TGFBR3: variants seen among roughly 807,000 people sequenced by gnomAD.
TGFBR3 encodes the protein transforming growth factor beta receptor 3, also known as transforming growth factor beta receptor type 3.
TGFBR3 carries 46 observed loss-of-function variants against 87.9 expected under a neutral mutation model. The observed-to-expected ratio is 0.52, with a 90% confidence interval of 0.41 to 0.67. TGFBR3 has a LOEUF of 0.67. TGFBR3 is among the 30% of genes least tolerant of loss of function. The probability of loss-of-function intolerance (pLI) is 0.00; values close to 1 mark genes in which losing one functional copy is unlikely to be tolerated. For synonymous variants in TGFBR3, 381 were observed against 391.6 expected (o/e 0.97, Z 0.32); for missense variants, 866 against 1,041.9 (o/e 0.83, Z 2.32).
rs1178732083 is a variant in TGFBR3, at chr1:91,802,773, G to A, written c.62-5302C>T. On this transcript the variant is annotated intron_variant, in intron 2 of 16. Coordinates refer to ENST00000212355, the MANE Select transcript of TGFBR3 (RefSeq NM_003243.5). ...GCAGAACTCAGGATCTTTACCCCTC[G>A]TGCCTGTTGTTCCTCCTTCATTCCC... 1.1e-4 allele frequency among the ~76,000 whole-genome samples: 17 copies of A among 151,852 alleles called. 1 individual carries two copies. Among genetic ancestry groups the A allele is most frequent in the Admixed American group, 8.5e-4 (13 of 15,242 alleles).
chr1:91,887,091 C>G (rs934689725), upstream of TGFBR3, among the ~76,000 whole-genome samples: 1 of 152,172 alleles, frequency 6.6e-6, no homozygotes, highest in African/African-American at 2.4e-5. Flanking sequence ...CGTGGACTGA[C>G]AGGTTTCAAA....
intron 2 of TGFBR3, among the ~76,000 whole-genome samples, chr1:91,855,843 T>C (rs1677919351): frequency 6.6e-6 from 1 of 152,178 alleles, no homozygotes; most frequent in African/African-American, 2.4e-5. Flanking sequence ...TAAATAACCT[T>C]AGATAATTTC....
At chr1:91,786,629 T>C (rs921904549) in intron 3 of TGFBR3, among the ~76,000 whole-genome samples, 2 of 151,504 alleles carry the variant, frequency 1.3e-5, no homozygotes, top group African/African-American at 4.9e-5. Flanking sequence ...CGGGTGCCTG[T>C]AATCCCAGCT....
At chr1:91,799,144 C>G (rs1275229213) in intron 2 of TGFBR3, among the ~76,000 whole-genome samples, 1 of 152,216 alleles carries the variant, frequency 6.6e-6, no homozygotes, top group Non-Finnish European at 1.5e-5. Context: ...GGGTTGCAAA[C>G]AAAGTTCAGA....
chr1:91,710,588 C>T (rs1335444496), intron 13 of TGFBR3, among the ~76,000 whole-genome samples: 2 of 152,092 alleles, frequency 1.3e-5, no homozygotes, highest in African/African-American at 4.8e-5. Flanking sequence ...AGAAAGCACT[C>T]AGAAAATAAT....
chr1:91,852,453 T>G (rs749271308), intron 2 of TGFBR3, among the ~76,000 whole-genome samples: 2 of 152,254 alleles, frequency 1.3e-5, no homozygotes, highest in Non-Finnish European at 2.9e-5. Flanking sequence ...ATGCTGTTTC[T>G]GTAGAAAAAT....
chr1:91,811,255 T>A (rs1242234829), intron 2 of TGFBR3, among the ~76,000 whole-genome samples: 3 of 152,140 alleles, frequency 2.0e-5, no homozygotes, highest in Non-Finnish European at 4.4e-5. Flanking sequence ...AAGACTGCAA[T>A]GAGCCAAGAT....
At chr1:91,791,318 C>A (rs1394194824) in intron 3 of TGFBR3, among the ~76,000 whole-genome samples, 4 of 152,114 alleles carry the variant, frequency 2.6e-5, no homozygotes, top group African/African-American at 9.7e-5. Context: ...TAAAAGGCCC[C>A]TTGGTGGTGC....
intron 14 of TGFBR3, among the ~76,000 whole-genome samples, chr1:91,708,084 G>C (rs985975817): frequency 1.3e-5 from 2 of 152,220 alleles, no homozygotes; most frequent in African/African-American, 4.8e-5. Context: ...ACAGCTTGCT[G>C]AATGTTCCTG....
At chr1:91,755,389 G>A (rs1450181801) in intron 4 of TGFBR3, among the ~76,000 whole-genome samples, 6 of 152,092 alleles carry the variant, frequency 3.9e-5, no homozygotes, top group Non-Finnish European at 8.8e-5. Flanking sequence ...GTGAGAACGT[G>A]AATGAACAAC....
intron 1 of TGFBR3, among the ~76,000 whole-genome samples, chr1:91,868,804 T>C (rs1401210938): frequency 6.6e-6 from 1 of 152,206 alleles, no homozygotes; most frequent in African/African-American, 2.4e-5. Context: ...GACAACATAG[T>C]GAAACGCTGT....
At chr1:91,808,218 G>A (rs973602340) in intron 2 of TGFBR3, among the ~76,000 whole-genome samples, 1 of 152,176 alleles carries the variant, frequency 6.6e-6, no homozygotes, top group African/African-American at 2.4e-5. Context: ...CTTGAGGCCA[G>A]GACTTCAAGA....
chr1:91,843,504 T>C (rs1677365178), intron 2 of TGFBR3, among the ~76,000 whole-genome samples: 1 of 152,266 alleles, frequency 6.6e-6, no homozygotes, highest in East Asian at 1.9e-4. Context: ...GTGTGACTTA[T>C]ATGTGACTTT....
intron 2 of TGFBR3, among the ~76,000 whole-genome samples, chr1:91,808,091 C>A (rs868661288): frequency 1.3e-5 from 2 of 152,066 alleles, no homozygotes; most frequent in Admixed American, 1.3e-4. Flanking sequence ...GCATTACTCC[C>A]CAGAAATTAT....
At position 91,680,652 on chromosome 1, in the gene TGFBR3, A is replaced by T. The variant is rs1277179630; in HGVS notation, c.*3087T>A. The T allele has an allele frequency of 2.2e-6, 1 of 453,982 alleles. No individual in the cohort carries two copies. The highest frequency in any genetic ancestry group is 7.0e-5 in the East Asian group (1 of 14,384). 28.1% of individuals were successfully genotyped at this position (453,982 alleles called of 1,614,324 possible). On this transcript the variant is annotated 3_prime_UTR_variant, in exon 17 of 17. Coordinates refer to ENST00000212355, the MANE Select transcript of TGFBR3 (RefSeq NM_003243.5). ...AGTTTCATGAACAACCCCCAGATAAAACAAACATGAAAAAAATCACATAGG... is the reference window on the plus strand; with the variant it reads ...AGTTTCATGAACAACCCCCAGATAATACAAACATGAAAAAAATCACATAGG...
upstream of TGFBR3, among the ~76,000 whole-genome samples, chr1:91,887,236 C>CTTTTTT (rs71087977): frequency 1.6e-3 from 66 of 41,398 alleles, 19 homozygotes; most frequent in East Asian, 4.2e-3. Flanking sequence ...GGACCTATGC[C>CTTTTTT]TTTTTTTTTT....
chr1:91,842,973 T>C (rs1234237869), intron 2 of TGFBR3, among the ~76,000 whole-genome samples: 1 of 152,184 alleles, frequency 6.6e-6, no homozygotes, highest in African/African-American at 2.4e-5. Context: ...ATTGTACCAC[T>C]GTGGTATTTC....
intron 16 of TGFBR3, among the ~76,000 whole-genome samples, chr1:91,689,557 G>A (rs1671202204): frequency 6.6e-6 from 1 of 152,142 alleles, no homozygotes; most frequent in South Asian, 2.1e-4. Flanking sequence ...ACTAAACAGA[G>A]GCAAAAAGAA....
chr1:91,715,434 T>C (rs959153542), intron 12 of TGFBR3, among the ~76,000 whole-genome samples: 9 of 152,166 alleles, frequency 5.9e-5, no homozygotes, highest in African/African-American at 2.2e-4. Flanking sequence ...TCAGACAAAT[T>C]TGTGCCTCAA....
Sources: allele counts gnomAD v4.1 joint callset (sites outside exome capture counted in the v4.1 genomes callset), GRCh38; gene constraint gnomAD v4.1.1; transcripts MANE v1.5; gene names NCBI Gene and HGNC (gene_info 2026-07-23, HGNC 2026-07-21).